Variants in DTNA observed in about 807,000 individuals in gnomAD.
DTNA encodes dystrophin-related protein 3.
In DTNA, 43 loss-of-function variants were observed where a neutral mutation model predicts 100.7. The observed-to-expected ratio is 0.43, with a 90% CI of 0.33 to 0.55. The LOEUF (loss-of-function observed/expected upper bound fraction) is 0.55. DTNA is among the 20% of genes least tolerant of loss of function. DTNA has a pLI of 0.04. For synonymous variants in DTNA, 349 were observed against 347.9 expected, an observed-to-expected ratio of 1.00 and a Z score of -0.04; for missense variants, 798 against 953.9, an observed-to-expected ratio of 0.84 and a Z score of 2.15.
intron 5 of DTNA, among the ~76,000 whole-genome samples, chr18:34,809,880 T>C (rs2095447421): frequency 6.6e-6 from 1 of 152,132 alleles, no homozygotes; most frequent in Non-Finnish European, 1.5e-5. Flanking sequence ...AGTGGTAGGG[T>C]GTTCCCTGTG....
At chr18:34,580,767 A>C (rs2048535608) in intron 1 of DTNA, among the ~76,000 whole-genome samples, 1 of 152,242 alleles carries the variant, frequency 6.6e-6, no homozygotes, top group African/African-American at 2.4e-5. Context: ...TGTGCACTGA[A>C]TGAAGACCTC....
chr18:34,721,029 T>C (rs958766536), intron 1 of DTNA, among the ~76,000 whole-genome samples: 1 of 152,218 alleles, frequency 6.6e-6, no homozygotes, highest in Non-Finnish European at 1.5e-5. Context: ...TGCAAAATAT[T>C]CAATTATGTT....
chr18:34,622,533 A>G (rs2056692239), intron 1 of DTNA, among the ~76,000 whole-genome samples: 1 of 152,200 alleles, frequency 6.6e-6, no homozygotes, highest in South Asian at 2.1e-4. Context: ...GTGTTTCCGG[A>G]GAAGATTAAC....
At chr18:34,503,563 C>T (rs956511108) in intron 1 of DTNA, among the ~76,000 whole-genome samples, 12 of 151,788 alleles carry the variant, frequency 7.9e-5, no homozygotes, top group African/African-American at 1.9e-4. Context: ...GGATTATAGG[C>T]GTGAGCCACC....
chr18:34,721,134 A>T (rs1458064982), intron 1 of DTNA, among the ~76,000 whole-genome samples: 1 of 152,198 alleles, frequency 6.6e-6, no homozygotes, highest in African/African-American at 2.4e-5. Context: ...TCCTAGAGGC[A>T]CTGGGTTTGA....
chr18:34,601,805 C>T (rs1023994090), intron 1 of DTNA, among the ~76,000 whole-genome samples: 7 of 152,162 alleles, frequency 4.6e-5, no homozygotes, highest in Non-Finnish European at 8.8e-5. Flanking sequence ...TAGGATTTTA[C>T]CTATCCTTAC....
At chr18:34,827,829 T>G (rs1232348973) in intron 10 of DTNA, among the ~76,000 whole-genome samples, 153 bp downstream of exon 10, 1 of 152,206 alleles carries the variant, frequency 6.6e-6, no homozygotes, top group Non-Finnish European at 1.5e-5. Context: ...ATTTCATTCA[T>G]TTGTATGCAT....
At chr18:34,664,407 C>T (rs1218957371) in intron 1 of DTNA, among the ~76,000 whole-genome samples, 3 of 152,138 alleles carry the variant, frequency 2.0e-5, no homozygotes, top group Non-Finnish European at 4.4e-5. Context: ...TAAGATGCTC[C>T]AATCACGTGC....
In DTNA at chr18:34,889,971, A is replaced by G; in HGVS notation, c.*2237A>G. 8.9e-7 allele frequency: 1 copy of G among 1,120,994 alleles called. No homozygotes were observed. Among genetic ancestry groups the G allele is most frequent in the Non-Finnish European group, 1.1e-6 (1 of 914,160 alleles). The allele number at this position is 1,120,994 out of a possible 1,614,324, so 69.4% of individuals were successfully genotyped here. A position where few individuals can be genotyped will look rare whatever the true frequency, so the allele number is the denominator to read the frequency against. On this transcript the variant is annotated 3_prime_UTR_variant, in exon 23 of 23. Transcript: ENST00000444659. ...CTGGTGCCTCATACTCAGTATTGAA[A>G]ACCACTACATCCCAGCTACCTATAA...
chr18:34,786,087 T>G (rs1213610023), intron 3 of DTNA, among the ~76,000 whole-genome samples: 1 of 152,194 alleles, frequency 6.6e-6, no homozygotes, highest in African/African-American at 2.4e-5. Context: ...TTAAAAGCAA[T>G]TTTTTCTTAA....
At chr18:34,592,498 A>ACACACG (rs2049847369) in intron 1 of DTNA, among the ~76,000 whole-genome samples, 1 of 151,186 alleles carries the variant, frequency 6.6e-6, no homozygotes, top group African/African-American at 2.4e-5. Flanking sequence ...ACACACACAC[A>ACACACG]CACACACATT....
At position 34,739,704 on chromosome 18, in the gene DTNA, C is replaced by G. The variant is rs188496873; in HGVS notation, c.-1-16272C>G. Among the ~76,000 whole-genome samples, 180 of 152,274 alleles carry G rather than the reference C, an allele frequency of 1.2e-3. 2 individuals are homozygous for G. The highest frequency in any genetic ancestry group is 4.1e-3 in the African/African-American group (171 of 41,554). ...ATCTCTAAATCAGAAAACAGAAAAA[C>G]ATCTCTAACCAGGACCCCAAAATGT... On this transcript the variant is annotated intron_variant, in intron 1 of 22. Coordinates refer to ENST00000444659, the MANE Select transcript of DTNA (RefSeq NM_001386795.1).
chr18:34,743,062 C>G (rs997819498), intron 1 of DTNA, among the ~76,000 whole-genome samples: 2 of 152,114 alleles, frequency 1.3e-5, no homozygotes, highest in African/African-American at 4.8e-5. Context: ...CCCTTAATTT[C>G]AGAAAAAATT....
intron 3 of DTNA, among the ~76,000 whole-genome samples, chr18:34,777,400 C>T (rs1402713241): frequency 6.6e-6 from 1 of 152,140 alleles, no homozygotes; most frequent in East Asian, 1.9e-4. Context: ...TGGAGGTCTA[C>T]CTAGTGTGTT....
intron 11 of DTNA, among the ~76,000 whole-genome samples, chr18:34,837,626 T>A (rs2096179651): frequency 6.6e-6 from 1 of 152,222 alleles, no homozygotes; most frequent in East Asian, 1.9e-4. Context: ...GGCTTTTGCT[T>A]GGAGTAGTAA....
intron 1 of DTNA, among the ~76,000 whole-genome samples, chr18:34,576,864 C>T (rs1480724034): frequency 1.3e-5 from 2 of 152,132 alleles, no homozygotes; most frequent in Non-Finnish European, 1.5e-5. Context: ...TCTTGTCATG[C>T]GTGTGAACAT....
At chr18:34,766,138 CT>C in intron 3 of DTNA, 97 bp downstream of exon 3, 1 of 1,329,644 alleles carries the variant, frequency 7.5e-7, no homozygotes, top group Non-Finnish European at 1.1e-6. Context: ...ACAAATATTG[CT>C]AATATTGTTA....
Position 34,890,746 on chromosome 18 carries a change from ATGATCTACTAT to A in DTNA, c.*3013_*3023del. ...GAGATTGTGAAAAATGGGTTCTTGAATGATCTACTATAAGGCAGGGAAGGTTCATTTGTAAG... is the reference window on the plus strand; with the variant it reads ...GAGATTGTGAAAAATGGGTTCTTGAAAAGGCAGGGAAGGTTCATTTGTAAG... On this transcript the variant is annotated 3_prime_UTR_variant, in exon 23 of 23. Coordinates refer to ENST00000444659, the MANE Select transcript of DTNA (RefSeq NM_001386795.1). 1 of 407,800 alleles carries A rather than the reference ATGATCTACTAT, an allele frequency of 2.5e-6. No individual in the cohort carries two copies. The highest frequency in any genetic ancestry group is 3.8e-5 in the Admixed American group (1 of 26,122). 25.3% of individuals were successfully genotyped at this position (407,800 alleles called of 1,614,324 possible).
chr18:34,784,338 C>A lies in DTNA; in HGVS notation c.149-9699C>A, dbSNP rs534219560. 1.2e-4 allele frequency among the ~76,000 whole-genome samples: 19 copies of A among 152,202 alleles called. No homozygotes were observed. The East Asian group carries it at 3.7e-3, about 29-fold the overall frequency. On this transcript the variant is annotated intron_variant, in intron 3 of 22. Coordinates refer to ENST00000444659, the MANE Select transcript of DTNA (RefSeq NM_001386795.1). ...GGCAGTATAAATGAATAGTTATAGA[C>A]CCTGCTTTCCTCTAAGCTCCAACAC...
Sources: gnomAD v4.1 joint callset for allele counts (sites outside exome capture counted in the v4.1 genomes callset) on GRCh38, gnomAD v4.1.1 for gene constraint, MANE v1.5 for transcripts, NCBI Gene and HGNC (gene_info 2026-07-23, HGNC 2026-07-21) for gene names.